NTM: variants seen among roughly 807,000 people sequenced by gnomAD.
The protein encoded by NTM is neurotrimin, also known as IgLON family member 2.
A neutral mutation model predicts 42.1 loss-of-function variants in NTM; 13 were observed. That is an observed-to-expected ratio of 0.31 (90% CI 0.20 to 0.49). The LOEUF is 0.49. Ranked by LOEUF, NTM falls within the 20% of genes least tolerant of loss-of-function variation. NTM has a pLI of 0.99. For synonymous variants in NTM, 187 were observed against 179.2 expected, an observed-to-expected ratio of 1.04 and a Z score of -0.35; for missense variants, 373 against 452.8, an observed-to-expected ratio of 0.82 and a Z score of 1.60.
intron 2 of NTM, among the ~76,000 whole-genome samples, chr11:132,110,398 C>A (rs568691317): frequency 1.2e-4 from 18 of 152,332 alleles, no homozygotes; most frequent in African/African-American, 4.3e-4. Flanking sequence ...ACAGTTGCCT[C>A]TCCGGAGAAC....
At chr11:131,521,304 G>C (rs1033070527) in intron 1 of NTM, among the ~76,000 whole-genome samples, 2 of 139,796 alleles carry the variant, frequency 1.4e-5, no homozygotes, top group Non-Finnish European at 3.0e-5. Flanking sequence ...GACAGAGTGA[G>C]ACTCCATCTC....
intron 1 of NTM, among the ~76,000 whole-genome samples, chr11:131,873,656 T>C (rs1048117740): frequency 8.4e-6 from 1 of 118,588 alleles, no homozygotes; most frequent in Non-Finnish European, 1.8e-5. Flanking sequence ...TATACACACA[T>C]ATATATACAC....
chr11:132,238,589 G>A (rs1566550909), intron 4 of NTM, among the ~76,000 whole-genome samples: 1 of 152,078 alleles, frequency 6.6e-6, no homozygotes, highest in African/African-American at 2.4e-5. Flanking sequence ...GGTATGAGAG[G>A]CAGGGCAGCC....
At chr11:132,041,645 A>G (rs1271970542) in intron 2 of NTM, among the ~76,000 whole-genome samples, 1 of 152,156 alleles carries the variant, frequency 6.6e-6, no homozygotes, top group African/African-American at 2.4e-5. Context: ...TTCTCTCTCC[A>G]CGGTAAATGG....
At chr11:131,652,588 TGG>T (rs1337493352) in intron 1 of NTM, among the ~76,000 whole-genome samples, 1 of 152,136 alleles carries the variant, frequency 6.6e-6, no homozygotes, top group Non-Finnish European at 1.5e-5. Context: ...CAGCCCAACT[TGG>T]GGCAAGACAG....
intron 1 of NTM, among the ~76,000 whole-genome samples, chr11:131,583,347 T>TA (rs1271110794): frequency 6.6e-6 from 1 of 152,238 alleles, no homozygotes; most frequent in African/African-American, 2.4e-5. Context: ...TCTAGTTCTT[T>TA]AGCTCTTGTG....
chr11:131,642,006 T>C (rs1266398537), intron 1 of NTM, among the ~76,000 whole-genome samples: 1 of 152,200 alleles, frequency 6.6e-6, no homozygotes, highest in African/African-American at 2.4e-5. Context: ...ATTACAGGCA[T>C]GAGCCACTGT....
intron 2 of NTM, among the ~76,000 whole-genome samples, chr11:132,005,196 C>T (rs1016658493): frequency 6.6e-6 from 1 of 152,176 alleles, no homozygotes; most frequent in Admixed American, 6.5e-5. Context: ...TGTCATTCTG[C>T]ACCTCTGGGG....
chr11:131,830,655 C>CT (rs2042709268), intron 1 of NTM, among the ~76,000 whole-genome samples: 1 of 152,058 alleles, frequency 6.6e-6, no homozygotes, highest in Non-Finnish European at 1.5e-5. Context: ...TATTTGGGCT[C>CT]TTTTTTGGTT....
chr11:132,081,600 C>T (rs1248128477), intron 2 of NTM, among the ~76,000 whole-genome samples: 14 of 151,864 alleles, frequency 9.2e-5, no homozygotes, highest in Admixed American at 4.6e-4. Flanking sequence ...GACGTGGTGG[C>T]GGGCACCTGT....
At chr11:131,676,311 C>A (rs2071373339) in intron 1 of NTM, among the ~76,000 whole-genome samples, 1 of 152,078 alleles carries the variant, frequency 6.6e-6, no homozygotes, top group South Asian at 2.1e-4. Flanking sequence ...AAAACAAAAC[C>A]AAGACTGATG....
At chr11:131,753,158 C>T (rs890821002) in intron 1 of NTM, among the ~76,000 whole-genome samples, 12 of 152,104 alleles carry the variant, frequency 7.9e-5, no homozygotes, top group Non-Finnish European at 1.8e-4. Context: ...CATCACTGGC[C>T]ATCAGAGAAA....
At chr11:131,837,401 A>G (rs2043643685) in intron 1 of NTM, among the ~76,000 whole-genome samples, 1 of 152,204 alleles carries the variant, frequency 6.6e-6, no homozygotes, top group South Asian at 2.1e-4. Context: ...TCACTGATAG[A>G]CTGTGGCCTG....
chr11:131,859,047 A>G (rs1055554213), intron 1 of NTM, among the ~76,000 whole-genome samples: 3 of 152,140 alleles, frequency 2.0e-5, no homozygotes, highest in South Asian at 4.1e-4. Flanking sequence ...AATCATTTCA[A>G]TTCCTCAAAG....
intron 1 of NTM, among the ~76,000 whole-genome samples, chr11:131,383,726 C>T (rs979295962): frequency 1.3e-5 from 2 of 152,088 alleles, no homozygotes; most frequent in Admixed American, 6.5e-5. Flanking sequence ...TGCATTGAAG[C>T]GTTGTATGCC....
intron 1 of NTM, among the ~76,000 whole-genome samples, chr11:131,638,557 C>T (rs2064717884): frequency 8.4e-6 from 1 of 119,270 alleles, no homozygotes. Context: ...CACAGCGAGA[C>T]TCCTTCAAAA....
chr11:131,972,975 TAATC>T (rs1375354842), intron 2 of NTM, among the ~76,000 whole-genome samples: 6 of 152,108 alleles, frequency 3.9e-5, no homozygotes, highest in East Asian at 1.9e-4. Flanking sequence ...GATAAACAAA[TAATC>T]AAGCAGACCA....
chr11:131,864,925 C>T (rs1403207377), intron 1 of NTM, among the ~76,000 whole-genome samples: 2 of 152,206 alleles, frequency 1.3e-5, no homozygotes, highest in East Asian at 1.9e-4. Context: ...TGACAGTCGA[C>T]TGAGCCAGCA....
intron 1 of NTM, among the ~76,000 whole-genome samples, chr11:131,900,649 A>AAGAGGG (rs1358878733): frequency 6.6e-6 from 1 of 151,668 alleles, no homozygotes; most frequent in Admixed American, 6.6e-5. Flanking sequence ...GAGAGAGAGA[A>AAGAGGG]AGAGGGAGAG....
Sources: gnomAD v4.1 joint callset for allele counts (sites outside exome capture counted in the v4.1 genomes callset) on GRCh38, gnomAD v4.1.1 for gene constraint, MANE v1.5 for transcripts, NCBI Gene and HGNC (gene_info 2026-07-23, HGNC 2026-07-21) for gene names.